CSMD1: variants seen among roughly 807,000 people sequenced by gnomAD.
The protein encoded by CSMD1 is CUB and sushi domain-containing protein 1.
Under a neutral mutation model 417.5 loss-of-function variants are expected in CSMD1, and 213 were observed. That is an observed-to-expected ratio of 0.51 (90% CI 0.46 to 0.57). The LOEUF is 0.57. CSMD1 is among the 20% of genes least tolerant of loss of function. CSMD1 has a pLI of 0.00. For synonymous variants in CSMD1, 2,862 were observed against 1,736.8 expected (o/e 1.65, Z -16.11); for missense variants, 6,923 against 4,529.7 (o/e 1.53, Z -15.17).
chr8:3,844,652 G>A (rs1803368915), intron 5 of CSMD1, among the ~76,000 whole-genome samples: 1 of 152,170 alleles, frequency 6.6e-6, no homozygotes, highest in African/African-American at 2.4e-5. Flanking sequence ...GTATGCAGCT[G>A]GAAATTCACT....
intron 5 of CSMD1, among the ~76,000 whole-genome samples, chr8:3,871,467 T>C (rs921422368): frequency 1.3e-5 from 2 of 152,164 alleles, no homozygotes; most frequent in Non-Finnish European, 2.9e-5. Flanking sequence ...AAATTACTAG[T>C]GAGGTTGAAT....
chr8:3,683,972 T>C (rs1387109706), intron 7 of CSMD1, among the ~76,000 whole-genome samples: 2 of 151,746 alleles, frequency 1.3e-5, no homozygotes, highest in African/African-American at 2.4e-5. Context: ...CTTCATGTGA[T>C]TGAGAAGTAT....
intron 1 of CSMD1, among the ~76,000 whole-genome samples, chr8:4,822,108 C>T (rs918535597): frequency 1.2e-4 from 18 of 152,014 alleles, no homozygotes; most frequent in African/African-American, 4.1e-4. Flanking sequence ...AGAACATTCA[C>T]ATGCTTCCTA....
intron 1 of CSMD1, among the ~76,000 whole-genome samples, chr8:4,663,891 G>A (rs144409491): frequency 5.9e-5 from 9 of 152,266 alleles, no homozygotes; most frequent in African/African-American, 1.7e-4. Context: ...AGCATCCTGG[G>A]GTTCTTCTCA....
chr8:4,642,516 G>A (rs1347444705), intron 1 of CSMD1, among the ~76,000 whole-genome samples: 1 of 152,166 alleles, frequency 6.6e-6, no homozygotes, highest in Non-Finnish European at 1.5e-5. Flanking sequence ...CTGATTCACT[G>A]TGAGCATTTG....
At chr8:3,307,945 A>ATC (rs1805012010) in intron 24 of CSMD1, 124 bp from the exon 25 acceptor site, 2 of 1,070,906 alleles carry the variant, frequency 1.9e-6, no homozygotes, top group Admixed American at 2.9e-5. Context: ...AATCACCATC[A>ATC]TCTCTCTCTC....
intron 4 of CSMD1, among the ~76,000 whole-genome samples, chr8:4,004,190 A>C (rs1405841558): frequency 5.3e-5 from 8 of 152,126 alleles, no homozygotes; most frequent in Admixed American, 5.2e-4. Context: ...TTATAGTAAT[A>C]TAATTGTTAT....
At chr8:4,881,844 G>A (rs904872680) in intron 1 of CSMD1, among the ~76,000 whole-genome samples, 1 of 151,914 alleles carries the variant, frequency 6.6e-6, no homozygotes, top group Non-Finnish European at 1.5e-5. Flanking sequence ...TCTACAATTC[G>A]AGCATTATTT....
At chr8:4,222,576 T>C (rs1801104660) in intron 3 of CSMD1, among the ~76,000 whole-genome samples, 2 of 152,182 alleles carry the variant, frequency 1.3e-5, no homozygotes, top group African/African-American at 2.4e-5. Flanking sequence ...AGGCTATTAC[T>C]TTAAAAATCT....
chr8:4,237,067 G>A (rs1802109372), intron 3 of CSMD1, among the ~76,000 whole-genome samples: 1 of 152,140 alleles, frequency 6.6e-6, no homozygotes, highest in South Asian at 2.1e-4. Flanking sequence ...ACCTCCTTAT[G>A]ATTACGCCTA....
At chr8:4,432,567 T>G (rs1280951158) in intron 2 of CSMD1, among the ~76,000 whole-genome samples, 1 of 152,166 alleles carries the variant, frequency 6.6e-6, no homozygotes, top group Non-Finnish European at 1.5e-5. Flanking sequence ...CCCTTATGAC[T>G]TAAAGACAGG....
chr8:4,111,563 C>T (rs1053367499), intron 3 of CSMD1, among the ~76,000 whole-genome samples: 6 of 152,142 alleles, frequency 3.9e-5, no homozygotes, highest in Admixed American at 6.5e-5. Context: ...ATGCAGTTCA[C>T]ATACACCATG....
At chr8:3,916,873 G>C (rs1295942969) in intron 5 of CSMD1, among the ~76,000 whole-genome samples, 2 of 151,692 alleles carry the variant, frequency 1.3e-5, no homozygotes, top group Non-Finnish European at 2.9e-5. Flanking sequence ...CCAAATAAAA[G>C]TCCCTAGCTG....
chr8:4,477,675 G>A (rs1052812450), intron 2 of CSMD1, among the ~76,000 whole-genome samples: 7 of 152,110 alleles, frequency 4.6e-5, no homozygotes, highest in African/African-American at 1.7e-4. Flanking sequence ...AGTGACGCAA[G>A]GCATGTCCCC....
intron 7 of CSMD1, among the ~76,000 whole-genome samples, chr8:3,637,177 T>C (rs964258440): frequency 1.3e-5 from 2 of 152,206 alleles, no homozygotes; most frequent in African/African-American, 4.8e-5. Context: ...ACTAGGACAA[T>C]TGTTTAACAC....
At chr8:3,097,186 G>A (rs1383293636) in intron 46 of CSMD1, 149 bp from the exon 47 acceptor site, 1 of 583,720 alleles carries the variant, frequency 1.7e-6, no homozygotes, top group East Asian at 2.9e-5. Flanking sequence ...TGCAAACACA[G>A]AGGGAGGGCA....
intron 1 of CSMD1, among the ~76,000 whole-genome samples, chr8:4,864,595 CATT>C (rs1170816834): frequency 6.6e-6 from 1 of 151,430 alleles, no homozygotes; most frequent in Non-Finnish European, 1.5e-5. Context: ...TATTTTATAT[CATT>C]ATTATAGTTA....
intron 6 of CSMD1, among the ~76,000 whole-genome samples, chr8:3,718,347 C>A (rs1336662231): frequency 2.0e-5 from 3 of 152,172 alleles, no homozygotes; most frequent in Admixed American, 1.3e-4. Flanking sequence ...TTGAGAAAAA[C>A]TGACAACCAA....
chr8:4,045,865 T>A (rs1335990747), intron 3 of CSMD1, among the ~76,000 whole-genome samples: 7 of 152,162 alleles, frequency 4.6e-5, no homozygotes, highest in South Asian at 2.1e-4. Context: ...CTGCATTATT[T>A]TTTTTTTAAT....
Sources: gnomAD v4.1 joint callset for allele counts (sites outside exome capture counted in the v4.1 genomes callset) on GRCh38, gnomAD v4.1.1 for gene constraint, MANE v1.5 for transcripts, NCBI Gene and HGNC (gene_info 2026-07-23, HGNC 2026-07-21) for gene names.